Variants in PSPC1 observed in about 807,000 individuals in gnomAD.
PSPC1 encodes the protein paraspeckle protein 1.
Under a neutral mutation model 51.6 loss-of-function variants are expected in PSPC1, and 14 were observed. The observed-to-expected ratio is 0.27, with a 90% confidence interval of 0.18 to 0.42. PSPC1 has a LOEUF of 0.42. Among genes scored for constraint, PSPC1 ranks in the 10% least tolerant of loss-of-function variants. PSPC1 has a pLI of 1.00. For synonymous variants in PSPC1, 193 were observed against 231.9 expected, an observed-to-expected ratio of 0.83 and a Z score of 1.53; for missense variants, 406 against 701.1, an observed-to-expected ratio of 0.58 and a Z score of 4.75.
chr13:19,760,727 G>A (rs949959755), intron 2 of PSPC1, among the ~76,000 whole-genome samples: 3 of 151,738 alleles, frequency 2.0e-5, no homozygotes, highest in Non-Finnish European at 2.9e-5. Context: ...AGTGGCTCAC[G>A]CCTGTAATCC....
intron 8 of PSPC1, among the ~76,000 whole-genome samples, chr13:19,704,132 G>A (rs1880315766): frequency 6.6e-6 from 1 of 152,210 alleles, no homozygotes; most frequent in Admixed American, 6.5e-5. Flanking sequence ...TAAAAAAATG[G>A]GACAGTTAAT....
rs56753561 is a variant in PSPC1, at chr13:19,730,965, CAAA to C, written c.1053-624_1053-622del. On this transcript the variant is annotated intron_variant, in intron 5 of 8. Coordinates refer to ENST00000338910, the MANE Select transcript of PSPC1 (RefSeq NM_001354909.2). ...GTCTCAGAAAAAAAAAACAAAAAAA[CAAA>C]AAAAAAAAAAACAGAAAAAGTCTGA... Among the ~76,000 whole-genome samples, 7 of 37,304 alleles carry C rather than the reference CAAA, an allele frequency of 1.9e-4. No individual in the cohort carries two copies. The South Asian group carries it at 4.6e-3, about 25-fold the overall frequency. 24.5% of individuals were successfully genotyped at this position (37,304 alleles called of 152,430 possible). A position where few individuals can be genotyped will look rare whatever the true frequency, so the allele number is the denominator to read the frequency against.
chr13:19,725,128 G>C (rs1672215451), intron 6 of PSPC1, among the ~76,000 whole-genome samples: 1 of 152,184 alleles, frequency 6.6e-6, no homozygotes, highest in African/African-American at 2.4e-5. Context: ...AGTGAGCCAA[G>C]ATCACGCCAC....
At position 19,685,509 on chromosome 13, in the gene PSPC1, C is replaced by G. The variant is rs115066772; in HGVS notation, c.1159-7686G>C. On this transcript the variant is annotated intron_variant and NMD_transcript_variant, in intron 6 of 7. Coordinates refer to the PSPC1 transcript ENST00000471658. ...AGCACCTCTATGAGGGTATTCACAA[C>G]TTAAGAAGGTCTCCCTTAACATCTC... Among the ~76,000 whole-genome samples, 921 of 152,292 alleles carry G rather than the reference C, an allele frequency of 6.0e-3. 8 individuals are homozygous for G. Among genetic ancestry groups the G allele is most frequent in the African/African-American group, 0.021 (877 of 41,556 alleles).
chr13:19,774,550 A>G (rs1033535056), intron 1 of PSPC1, among the ~76,000 whole-genome samples: 1 of 152,234 alleles, frequency 6.6e-6, no homozygotes, highest in African/African-American at 2.4e-5. Context: ...CTGTAATCCC[A>G]GCACTTTGGG....
chr13:19,704,007 C>G (rs1222795253), intron 8 of PSPC1, among the ~76,000 whole-genome samples: 1 of 152,192 alleles, frequency 6.6e-6, no homozygotes, highest in Non-Finnish European at 1.5e-5. Context: ...TCACAATAAT[C>G]ATACATATTA....
chr13:19,715,132 C>A (rs1053021368), intron 6 of PSPC1, among the ~76,000 whole-genome samples: 4 of 152,138 alleles, frequency 2.6e-5, no homozygotes, highest in Non-Finnish European at 5.9e-5. Flanking sequence ...TAAAACCTCG[C>A]TTTGGCTTAT....
intron 6 of PSPC1, among the ~76,000 whole-genome samples, chr13:19,727,869 T>A (rs927662576): frequency 6.6e-6 from 1 of 152,210 alleles, no homozygotes; most frequent in Non-Finnish European, 1.5e-5. Context: ...CTCTATATTA[T>A]GGTAAAGACA....
intron 6 of PSPC1, 107 bp from the exon 7 acceptor site, chr13:19,709,706 A>T: frequency 9.5e-7 from 1 of 1,056,102 alleles, no homozygotes; most frequent in African/African-American, 1.6e-5. Context: ...TTTTTCATTA[A>T]AAATTTTGAA....
At chr13:19,704,007 C>T (rs1222795253) in intron 8 of PSPC1, among the ~76,000 whole-genome samples, 1 of 152,192 alleles carries the variant, frequency 6.6e-6, no homozygotes, top group African/African-American at 2.4e-5. Flanking sequence ...TCACAATAAT[C>T]ATACATATTA....
At chr13:19,702,088 G>A (rs1181329495), downstream of PSPC1, among the ~76,000 whole-genome samples, 3 of 117,550 alleles carry the variant, frequency 2.6e-5, no homozygotes, top group South Asian at 3.3e-4. Flanking sequence ...ATCACCTCTT[G>A]AACTGTACTC....
chr13:19,744,533 A>G (rs1252410084), intron 4 of PSPC1, among the ~76,000 whole-genome samples: 1 of 152,146 alleles, frequency 6.6e-6, no homozygotes, highest in Admixed American at 6.6e-5. Flanking sequence ...AAAAACTGTA[A>G]AAAGTACATA....
intron 2 of PSPC1, 40 bp downstream of exon 2, chr13:19,772,202 T>A (rs1277850845): frequency 1.1e-5 from 17 of 1,577,952 alleles, no homozygotes; most frequent in Non-Finnish European, 1.5e-5. Context: ...GAAGCCCATA[T>A]GTAACTGGAT....
intron 5 of PSPC1, among the ~76,000 whole-genome samples, chr13:19,735,324 A>G (rs895524501): frequency 3.3e-5 from 5 of 152,122 alleles, no homozygotes; most frequent in Admixed American, 2.6e-4. Flanking sequence ...AAAACAAACC[A>G]AAGAAACGAA....
intron 6 of PSPC1, among the ~76,000 whole-genome samples, chr13:19,684,432 ACT>A (rs1259614033): frequency 6.6e-6 from 1 of 152,160 alleles, no homozygotes; most frequent in Non-Finnish European, 1.5e-5. Context: ...CAAGAATCCC[ACT>A]GTTACTTATT....
chr13:19,732,653 C>T (rs950651046), intron 5 of PSPC1, among the ~76,000 whole-genome samples: 2 of 152,080 alleles, frequency 1.3e-5, no homozygotes, highest in African/African-American at 2.4e-5. Context: ...TTTGGCAGGG[C>T]GCGGTGGCTC....
chr13:19,734,284 T>G (rs560669070), intron 5 of PSPC1, among the ~76,000 whole-genome samples: 3 of 152,332 alleles, frequency 2.0e-5, no homozygotes, highest in African/African-American at 7.2e-5. Flanking sequence ...ATTTTAAACC[T>G]TCACGTTACA....
chr13:19,693,183 C>A (rs143077417), intron 6 of PSPC1, among the ~76,000 whole-genome samples: 1 of 152,274 alleles, frequency 6.6e-6, no homozygotes, highest in Non-Finnish European at 1.5e-5. Flanking sequence ...TGCTCCTTAC[C>A]CTCTCGTGCA....
chr13:19,671,339 A>C (rs759314715), downstream of PSPC1: 3 of 1,521,446 alleles, frequency 2.0e-6, no homozygotes, highest in Non-Finnish European at 2.7e-6. Context: ...TTGTTGCTCC[A>C]GATTACTTTA....
Sources: allele counts gnomAD v4.1 joint callset (sites outside exome capture counted in the v4.1 genomes callset), GRCh38; gene constraint gnomAD v4.1.1; transcripts MANE v1.5; gene names NCBI Gene and HGNC (gene_info 2026-07-23, HGNC 2026-07-21).